Variants in SLC22A9 observed in about 807,000 individuals in gnomAD.
SLC22A9 encodes solute carrier family 22 member 9.
In SLC22A9, 64 loss-of-function variants were observed where a neutral mutation model predicts 50.1. That is an observed-to-expected ratio of 1.28 (90% CI 1.04 to 1.57). SLC22A9 has a LOEUF of 1.57. Among genes scored for constraint, SLC22A9 ranks in the 40% most tolerant of loss-of-function variants. The pLI is 0.00. For synonymous variants in SLC22A9, 261 were observed against 242.5 expected (o/e 1.08, Z -0.71); for missense variants, 757 against 676.1 (o/e 1.12, Z -1.33).
chr11:63,378,612 T>G (rs117309174), intron 5 of SLC22A9, among the ~76,000 whole-genome samples: 89 of 152,250 alleles, frequency 5.8e-4, no homozygotes, highest in Non-Finnish European at 1.0e-3. Flanking sequence ...ATCTTATACA[T>G]ACAAATCCCT....
chr11:63,407,558 A>C (rs1030400820), intron 7 of SLC22A9, among the ~76,000 whole-genome samples: 5 of 152,292 alleles, frequency 3.3e-5, no homozygotes, highest in Admixed American at 1.3e-4. Context: ...TGCTTTCCAA[A>C]GTCTGACTTT....
At chr11:63,377,479 C>G (rs1303662508) in intron 5 of SLC22A9, among the ~76,000 whole-genome samples, 1 of 152,020 alleles carries the variant, frequency 6.6e-6, no homozygotes, top group African/African-American at 2.4e-5. Flanking sequence ...GAAATTAAGG[C>G]AGAAATCAAG....
rs566994021 is a variant in SLC22A9, at chr11:63,370,281, C to A, written c.225C>A (p.Ile75=). The change falls in exon 1 of 10, where the codon ATC becomes ATA. Residue 75 remains isoleucine, a synonymous_variant. Coordinates refer to ENST00000279178, the MANE Select transcript of SLC22A9 (RefSeq NM_080866.3). ...GALSQDALLR[I]SIPLDSNMRP... ...TCAGCCAAGATGCACTCTTGAGAATCTCCATCCCACTGGACTCAAACATGA... is the reference window on the plus strand; with the variant it reads ...TCAGCCAAGATGCACTCTTGAGAATATCCATCCCACTGGACTCAAACATGA... 1 of 1,614,052 alleles carries A rather than the reference C, an allele frequency of 6.2e-7. No homozygotes were observed. Among genetic ancestry groups the A allele is most frequent in the East Asian group, 2.2e-5 (1 of 44,884 alleles).
At position 63,409,853 on chromosome 11, in the gene SLC22A9, G is replaced by T. The variant is rs151301589; in HGVS notation, c.1653G>T (p.Thr551=). ...PKQEDPRVEV[T]QF is the part of the protein sequence containing the mutation. ...AAGAGGATCCGAGAGTGGAAGTGAC[G>T]CAGTTTTAAGGAATTCCAGGAGCTG... Residue 551 remains threonine, a synonymous_variant, in exon 10 of 10, where the codon ACG becomes ACT. Coordinates refer to ENST00000279178, the MANE Select transcript of SLC22A9 (RefSeq NM_080866.3). 10 of 1,613,458 alleles carry T rather than the reference G, an allele frequency of 6.2e-6. No individual in the cohort carries two copies. The highest frequency in any genetic ancestry group is 8.5e-6 in the Non-Finnish European group (10 of 1,179,722).
chr11:63,375,235 T>C (rs942542234), intron 4 of SLC22A9, among the ~76,000 whole-genome samples: 1 of 152,170 alleles, frequency 6.6e-6, no homozygotes, highest in Non-Finnish European at 1.5e-5. Context: ...TGATTCTAGT[T>C]GTATGAGGCC....
At chr11:63,374,181 A>G in intron 4 of SLC22A9, 119 bp downstream of exon 4, 1 of 959,430 alleles carries the variant, frequency 1.0e-6, no homozygotes, top group East Asian at 2.8e-5. Flanking sequence ...TCCTCTCATA[A>G]TCTGTGCTTG....
chr11:63,370,710 T>A (rs190581707), intron 1 of SLC22A9, among the ~76,000 whole-genome samples: 1 of 152,304 alleles, frequency 6.6e-6, no homozygotes, highest in East Asian at 1.9e-4. Flanking sequence ...CATTTATATA[T>A]AATATGTTAA....
intron 6 of SLC22A9, among the ~76,000 whole-genome samples, chr11:63,383,882 C>G (rs2014611658): frequency 6.6e-6 from 1 of 152,024 alleles, no homozygotes; most frequent in South Asian, 2.1e-4. Context: ...AACCCTGTCT[C>G]TACTAAAAAT....
chr11:63,373,618 T>C, intron 2 of SLC22A9, 26 bp from the exon 3 acceptor site: 1 of 1,495,380 alleles, frequency 6.7e-7, no homozygotes, highest in Non-Finnish European at 8.9e-7. Context: ...ATTGTTCCCA[T>C]TATCTAACCT....
At chr11:63,390,422 T>C (rs1324708468) in intron 6 of SLC22A9, among the ~76,000 whole-genome samples, 5 of 152,220 alleles carry the variant, frequency 3.3e-5, no homozygotes, top group Non-Finnish European at 7.3e-5. Context: ...GCACCATTTA[T>C]TAGATTGGGA....
At chr11:63,385,497 G>GA (rs1330996815) in intron 6 of SLC22A9, among the ~76,000 whole-genome samples, 1 of 151,990 alleles carries the variant, frequency 6.6e-6, no homozygotes, top group African/African-American at 2.4e-5. Flanking sequence ...TCACCTTGAA[G>GA]AGGTCCTTCA....
At chr11:63,384,580 T>C (rs1212762850) in intron 6 of SLC22A9, among the ~76,000 whole-genome samples, 1 of 152,206 alleles carries the variant, frequency 6.6e-6, no homozygotes, top group Non-Finnish European at 1.5e-5. Context: ...TTTGCTGTTA[T>C]GAATAGTGCT....
intron 5 of SLC22A9, 64 bp downstream of exon 5, chr11:63,375,832 A>T (rs2014452455): frequency 1.9e-6 from 3 of 1,580,216 alleles, no homozygotes; most frequent in South Asian, 2.3e-5. Context: ...AATACTTAGC[A>T]GTAGCAGTGT....
chr11:63,406,821 A>G (rs769552874), intron 7 of SLC22A9, 110 bp downstream of exon 7: 85 of 1,239,598 alleles, frequency 6.9e-5, no homozygotes, highest in Non-Finnish European at 9.2e-5. Context: ...TTGGGTTCTT[A>G]GGATTTCCTG....
In SLC22A9 at chr11:63,370,165, C is replaced by G. The variant is rs750807593; in HGVS notation, c.109C>G (p.Leu37Val). ...FAVATYLHFM[L>V]ENFTAFIPGH... ...TGTTGCTACATACCTTCATTTTATG[C>G]TGGAGAACTTCACTGCATTCATACC... Residue 37 changes from leucine to valine, a missense_variant, in exon 1 of 10, where the codon CTG becomes GTG. Transcript: ENST00000279178. 28 of 1,613,912 alleles carry G rather than the reference C, an allele frequency of 1.7e-5. No individual in the cohort carries two copies. The Admixed American group carries it at 1.8e-4, about 11-fold the overall frequency.
At chr11:63,388,710 C>T (rs1186332542) in intron 6 of SLC22A9, among the ~76,000 whole-genome samples, 1 of 140,648 alleles carries the variant, frequency 7.1e-6, no homozygotes, top group East Asian at 2.2e-4. Context: ...GAAGTATTCC[C>T]TCCACCTGTA....
chr11:63,388,357 C>T lies in SLC22A9; in HGVS notation c.1073+6080C>T, dbSNP rs114924547. On this transcript the variant is annotated intron_variant, in intron 6 of 9. Coordinates refer to ENST00000279178, the MANE Select transcript of SLC22A9 (RefSeq NM_080866.3). ...GTATGTTCTTCTATGCCCAGTTTTTCGAGAGGTTTTTTTTTTTTATCAGAA... is the reference window on the plus strand; with the variant it reads ...GTATGTTCTTCTATGCCCAGTTTTTTGAGAGGTTTTTTTTTTTTATCAGAA... 6.2e-3 allele frequency among the ~76,000 whole-genome samples: 935 copies of T among 150,300 alleles called. 10 individuals carry two copies. The highest frequency in any genetic ancestry group is 0.021 in the African/African-American group (859 of 40,908).
chr11:63,384,604 G>A (rs933024685), intron 6 of SLC22A9, among the ~76,000 whole-genome samples: 3 of 152,090 alleles, frequency 2.0e-5, no homozygotes, highest in Non-Finnish European at 4.4e-5. Flanking sequence ...ATGAATGTAC[G>A]TGTGCAAGTA....
intron 2 of SLC22A9, 109 bp downstream of exon 2, chr11:63,371,347 C>T (rs2014357242): frequency 4.6e-6 from 4 of 872,490 alleles, no homozygotes; most frequent in Admixed American, 2.9e-5. Context: ...TGAGGCTGCC[C>T]TGATCCCCAA....
Sources: allele counts gnomAD v4.1 joint callset (sites outside exome capture counted in the v4.1 genomes callset), GRCh38; gene constraint gnomAD v4.1.1; transcripts MANE v1.5; gene names NCBI Gene and HGNC (gene_info 2026-07-23, HGNC 2026-07-21).